Variants in EVC2 observed in about 807,000 individuals in gnomAD.
EVC2 encodes limbin.
A neutral mutation model predicts 149.3 loss-of-function variants in EVC2; 148 were observed. The ratio of observed to expected loss-of-function variants is 0.99; its 90% CI spans 0.87 to 1.14. The LOEUF (loss-of-function observed/expected upper bound fraction) is 1.14. Among genes scored for constraint, EVC2 ranks in the 50% most tolerant of loss-of-function variants. EVC2 has a pLI of 0.00. For missense variants in EVC2, 1,854 were observed against 1,627.3 expected (o/e 1.14, Z -2.40); for synonymous variants, 776 against 649.9 (o/e 1.19, Z -2.95).
chr4:5,704,771 T>A (rs1470514176), intron 1 of EVC2, among the ~76,000 whole-genome samples: 1 of 152,062 alleles, frequency 6.6e-6, no homozygotes, highest in African/African-American at 2.4e-5. Flanking sequence ...AGTGGTGAGA[T>A]CATAGCTCAC....
intron 9 of EVC2, among the ~76,000 whole-genome samples, chr4:5,659,570 G>A (rs936353154): frequency 4.6e-5 from 7 of 152,118 alleles, no homozygotes; most frequent in African/African-American, 1.4e-4. Flanking sequence ...AACACTCTCC[G>A]TGCATGCTTG....
chr4:5,592,662 T>C (rs1003333977), intron 16 of EVC2, among the ~76,000 whole-genome samples: 15 of 152,216 alleles, frequency 9.9e-5, no homozygotes, highest in African/African-American at 3.4e-4. Flanking sequence ...GGCTCGCACA[T>C]GTGCATTAAG....
At chr4:5,703,634 T>C (rs1410821727) in intron 1 of EVC2, among the ~76,000 whole-genome samples, 3 of 152,180 alleles carry the variant, frequency 2.0e-5, no homozygotes, top group Non-Finnish European at 4.4e-5. Flanking sequence ...ATTCAACAAA[T>C]ACTTTTGATC....
downstream of EVC2, among the ~76,000 whole-genome samples, chr4:5,559,783 GAAAT>G (rs1489623814): frequency 1.3e-5 from 2 of 152,234 alleles, no homozygotes; most frequent in African/African-American, 2.4e-5. This position sits in a 1 kb window ranked among gnomAD's most constrained non-coding sequence, Gnocchi z 5.0. Context: ...TATACCGATA[GAAAT>G]AAATAATTGA....
At position 5,622,881 on chromosome 4, in the gene EVC2, G is replaced by A. The variant is rs777141609; in HGVS notation, c.2157C>T (p.Ala719=). 1.2e-5 allele frequency: 19 copies of A among 1,614,020 alleles called. No individual in the cohort carries two copies. Among genetic ancestry groups the A allele is most frequent in the South Asian group, 1.1e-5 (1 of 91,080 alleles). The change falls in exon 14 of 22, where the codon GCC becomes GCT. Residue 719 remains alanine (A), a synonymous_variant. Transcript: ENST00000344408. This position sits in a 1 kb window ranked among gnomAD's most constrained non-coding sequence, Gnocchi z 5.8. ...QKRSLMEEHG[A]TLEELQERLD... ...GACGCTCCTGCAGCTCCTCCAGGGT[G>A]GCACCGTGCTCCTCCATCAGGCTCC...
At position 5,562,694 on chromosome 4, in the gene EVC2, G is replaced by A. The variant is rs761364652; in HGVS notation, c.*154C>T. On this transcript the variant is annotated 3_prime_UTR_variant, in exon 22 of 22. Coordinates refer to ENST00000344408, the MANE Select transcript of EVC2 (RefSeq NM_147127.5). This position sits in a 1 kb window ranked among gnomAD's most constrained non-coding sequence, Gnocchi z 4.3. The stretch of plus-strand genomic sequence containing the variant: ...GAAATTCATGAGACAAGATTAAACC[G>A]AGTCCCTGCAAGTTGGCATGCGCTA... 9.3e-6 allele frequency: 14 copies of A among 1,511,100 alleles called. No individual in the cohort carries two copies. Among genetic ancestry groups the A allele is most frequent in the East Asian group, 2.4e-5 (1 of 42,232 alleles). 93.6% of individuals were successfully genotyped at this position (1,511,100 alleles called of 1,614,324 possible).
intron 12 of EVC2, 103 bp downstream of exon 12, chr4:5,628,456 T>C (rs112813202): frequency 2.1e-5 from 30 of 1,449,000 alleles, no homozygotes; most frequent in African/African-American, 1.6e-4. Context: ...ATGAACCAAA[T>C]ATATCTCTTC....
intron 16 of EVC2, among the ~76,000 whole-genome samples, chr4:5,606,755 A>G (rs369216301): frequency 2.4e-4 from 37 of 152,360 alleles, no homozygotes; most frequent in Middle Eastern, 3.4e-3. Context: ...AACGAGGTGT[A>G]AGAATTGGGA....
the EVC2 span, among the ~76,000 whole-genome samples, chr4:5,533,145 C>G: frequency 6.6e-6 from 1 of 151,608 alleles, no homozygotes; most frequent in Non-Finnish European, 1.5e-5. Context: ...CAGTATGTGA[C>G]AAGCTGATGA....
At chr4:5,676,835 G>A (rs1158006354) in intron 7 of EVC2, among the ~76,000 whole-genome samples, 2 of 152,162 alleles carry the variant, frequency 1.3e-5, no homozygotes, top group Non-Finnish European at 1.5e-5. Flanking sequence ...TGAGCGCTGT[G>A]CATTCTTCGG....
At chr4:5,615,336 G>A in intron 16 of EVC2, 86 bp downstream of exon 16, 4 of 1,599,826 alleles carry the variant, frequency 2.5e-6, no homozygotes, top group Non-Finnish European at 3.4e-6. Flanking sequence ...AGCCCCAAGG[G>A]CTCTGTGTGC....
At position 5,670,225 on chromosome 4, in the gene EVC2, A is replaced by G. The variant is rs1045692825; in HGVS notation, c.871-4576T>C. 2.0e-5 allele frequency among the ~76,000 whole-genome samples: 3 copies of G among 152,136 alleles called. No homozygotes were observed. The highest frequency in any genetic ancestry group is 2.9e-5 in the Non-Finnish European group (2 of 68,028). ...TATTACCACCATGATTATCAACATC[A>G]TCAATATCCCCATCATAACTATCTT... On this transcript the variant is annotated intron_variant, in intron 7 of 21. Coordinates refer to ENST00000344408, the MANE Select transcript of EVC2 (RefSeq NM_147127.5). The surrounding 1 kb of genome is among the most constrained non-coding windows in gnomAD (Gnocchi z 5.2).
Position 5,686,127 on chromosome 4 carries a change from C to CACACACACACACACATAT in EVC2, c.707-649_707-648insATATGTGTGTGTGTGTGT, listed in dbSNP as rs71171411. On this transcript the variant is annotated intron_variant, in intron 5 of 21. Transcript: ENST00000344408. This position sits in a 1 kb window ranked among gnomAD's most constrained non-coding sequence, Gnocchi z 5.4. ...ACACACACACACACACACACACACA[C>CACACACACACACACATAT]AGAGTAAAGAAAAGAGGAGGAACGC... 2.2e-3 allele frequency among the ~76,000 whole-genome samples: 327 copies of CACACACACACACACATAT among 149,652 alleles called. 1 individual carries two copies. The highest frequency in any genetic ancestry group is 6.1e-3 in the African/African-American group (244 of 40,220).
At chr4:5,639,572 G>A (rs539721407) in intron 10 of EVC2, among the ~76,000 whole-genome samples, 63 of 152,316 alleles carry the variant, frequency 4.1e-4, no homozygotes, top group African/African-American at 1.5e-3. Context: ...CTGAGAGGTG[G>A]CTTGCCATTA....
rs751714104 is a variant in EVC2, at chr4:5,618,535, C to T, written c.2649G>A (p.Ala883=). ...ARVLLQQFQT[A]WREAEFVKLD... ...GCTTCACGAACTCTGCTTCTCGCCA[C>T]GCAGTCTGAAATTGCTGCAGCAGAA... Residue 883 remains alanine, a synonymous_variant, in exon 15 of 22, where the codon GCG becomes GCA. Transcript: ENST00000344408. The surrounding 1 kb of genome is among the most constrained non-coding windows in gnomAD (Gnocchi z 4.4). 8.7e-6 allele frequency: 14 copies of T among 1,613,994 alleles called. No individual in the cohort carries two copies. The highest frequency in any genetic ancestry group is 2.2e-5 in the East Asian group (1 of 44,874).
chr4:5,646,773 T>C (rs1407855745), intron 9 of EVC2, among the ~76,000 whole-genome samples: 1 of 152,180 alleles, frequency 6.6e-6, no homozygotes, highest in Non-Finnish European at 1.5e-5. Flanking sequence ...GAGCTTTAGT[T>C]AACTCTTACT....
chr4:5,631,169 ATAT>A (rs2108850335), intron 11 of EVC2, among the ~76,000 whole-genome samples: 1 of 152,342 alleles, frequency 6.6e-6, no homozygotes, highest in East Asian at 1.9e-4. Flanking sequence ...CCATCCAAGT[ATAT>A]CCAGGCACAG....
In EVC2 at chr4:5,628,651, CAGATAT is replaced by C. The variant is rs1167416045; in HGVS notation, c.1788_1793del (p.Tyr597_Leu598del). On this transcript the variant is annotated inframe_deletion, in exon 12 of 22. Coordinates refer to ENST00000344408, the MANE Select transcript of EVC2 (RefSeq NM_147127.5). The stretch of plus-strand genomic sequence containing the variant: ...TCTCTGATGACTGGAGGTTCTGGAC[CAGATAT>C]TCCCTGTGGCCAAATCTTTTACTTA... 1.2e-6 allele frequency: 2 copies of C among 1,613,834 alleles called. No individual in the cohort carries two copies. Among genetic ancestry groups the C allele is most frequent in the Admixed American group, 3.3e-5 (2 of 59,992 alleles).
chr4:5,637,207 T>A lies in EVC2; in HGVS notation c.1470+3307A>T, dbSNP rs1560184387. ...CATAAAAAAGCATTGCCCCAGGCAGTCTTTTGATAGCAAAGCCACTAGAAA... is the reference window on the plus strand; with the variant it reads ...CATAAAAAAGCATTGCCCCAGGCAGACTTTTGATAGCAAAGCCACTAGAAA... On this transcript the variant is annotated intron_variant, in intron 10 of 21. Coordinates refer to ENST00000344408, the MANE Select transcript of EVC2 (RefSeq NM_147127.5). This position sits in a 1 kb window ranked among gnomAD's most constrained non-coding sequence, Gnocchi z 4.4. Among the ~76,000 whole-genome samples the A allele has an allele frequency of 6.6e-6, 1 of 152,178 alleles. No individual in the cohort carries two copies. Among genetic ancestry groups the A allele is most frequent in the Non-Finnish European group, 1.5e-5 (1 of 68,032 alleles).
Sources: gnomAD v4.1 joint callset for allele counts (sites outside exome capture counted in the v4.1 genomes callset) on GRCh38, gnomAD v4.1.1 for gene constraint, Gnocchi (gnomAD v3.1) non-coding constraint, MANE v1.5 for transcripts, NCBI Gene and HGNC (gene_info 2026-07-23, HGNC 2026-07-21) for gene names.